MAF: variants seen among roughly 807,000 people sequenced by gnomAD.
MAF encodes transcription factor Maf.
A neutral mutation model predicts 22.0 loss-of-function variants in MAF; 10 were observed. The ratio of observed to expected loss-of-function variants is 0.45; its 90% CI spans 0.28 to 0.77. The LOEUF is 0.77. MAF is among the 30% of genes least tolerant of loss of function. The pLI, the probability that MAF is intolerant of heterozygous loss-of-function variation, is 0.12. For missense variants in MAF, 544 were observed against 548.4 expected (o/e 0.99, Z 0.08); for synonymous variants, 337 against 255.8 (o/e 1.32, Z -3.03).
At chr16:79,508,505 G>C in the MAF span, among the ~76,000 whole-genome samples, 2 of 152,148 alleles carry the variant, frequency 1.3e-5, no homozygotes, top group Non-Finnish European at 2.9e-5. Flanking sequence ...GCGCTGCTCA[G>C]CAGTACTGCT....
chr16:79,232,000 A>G, the MAF span, among the ~76,000 whole-genome samples: 1 of 151,968 alleles, frequency 6.6e-6, no homozygotes, highest in Non-Finnish European at 1.5e-5. Flanking sequence ...CACAGTTTAC[A>G]ATAGGGTTTG....
At chr16:79,395,644 C>G in the MAF span, among the ~76,000 whole-genome samples, 3 of 152,170 alleles carry the variant, frequency 2.0e-5, no homozygotes, top group African/African-American at 7.2e-5. Flanking sequence ...AGCCAGGAGA[C>G]AGTCATGGAA....
chr16:79,253,611 C>T, the MAF span, among the ~76,000 whole-genome samples: 1 of 152,052 alleles, frequency 6.6e-6, no homozygotes. Flanking sequence ...TGGTCACATA[C>T]ACATCTGATA....
the MAF span, among the ~76,000 whole-genome samples, chr16:79,498,607 G>A: frequency 6.6e-6 from 1 of 152,172 alleles, no homozygotes; most frequent in Non-Finnish European, 1.5e-5. Flanking sequence ...CCTTGAGATG[G>A]AGGCTATTAG....
At chr16:79,421,450 G>A in the MAF span, among the ~76,000 whole-genome samples, 1 of 152,138 alleles carries the variant, frequency 6.6e-6, no homozygotes. Flanking sequence ...TTTCCACAAT[G>A]TCATGTAGTT....
At chr16:79,263,586 C>T in the MAF span, among the ~76,000 whole-genome samples, 3 of 152,174 alleles carry the variant, frequency 2.0e-5, no homozygotes, top group African/African-American at 7.2e-5. Flanking sequence ...CCTCTTCTTC[C>T]GTTTTCTCTG....
the MAF span, among the ~76,000 whole-genome samples, chr16:79,509,828 T>A: frequency 5.3e-5 from 8 of 152,186 alleles, no homozygotes; most frequent in African/African-American, 1.9e-4. Context: ...AGCCTCTTCT[T>A]ATCAATGCCT....
At chr16:79,383,221 G>C in the MAF span, among the ~76,000 whole-genome samples, 1 of 152,156 alleles carries the variant, frequency 6.6e-6, no homozygotes, top group African/African-American at 2.4e-5. Flanking sequence ...ACCCTGGACT[G>C]GGGTGGGGGC....
At chr16:79,236,423 A>G in the MAF span, among the ~76,000 whole-genome samples, 1 of 152,002 alleles carries the variant, frequency 6.6e-6, no homozygotes. Flanking sequence ...CCTTGGGGAA[A>G]GTCAAGCATT....
At chr16:79,236,413 C>A in the MAF span, among the ~76,000 whole-genome samples, 1 of 152,004 alleles carries the variant, frequency 6.6e-6, no homozygotes, top group East Asian at 1.9e-4. Flanking sequence ...CCAGTTGATT[C>A]CTTGGGGAAA....
At chr16:79,427,140 A>G in the MAF span, among the ~76,000 whole-genome samples, 1 of 152,372 alleles carries the variant, frequency 6.6e-6, no homozygotes, top group East Asian at 1.9e-4. Flanking sequence ...TTAGGAAATT[A>G]TCCACCTTTA....
chr16:79,351,740 GA>G, the MAF span, among the ~76,000 whole-genome samples: 1 of 152,068 alleles, frequency 6.6e-6, no homozygotes, highest in Non-Finnish European at 1.5e-5. Flanking sequence ...GGTGTGGCAG[GA>G]AGTGACATCC....
At chr16:79,412,634 C>A in the MAF span, among the ~76,000 whole-genome samples, 1 of 152,182 alleles carries the variant, frequency 6.6e-6, no homozygotes, top group Non-Finnish European at 1.5e-5. Context: ...AGTTGAGGAG[C>A]ACTGCTTCAA....
At chr16:79,514,811 T>A in the MAF span, among the ~76,000 whole-genome samples, 13 of 152,334 alleles carry the variant, frequency 8.5e-5, no homozygotes, top group African/African-American at 2.9e-4. Flanking sequence ...TGATAGCGGC[T>A]TGGAAGCCAG....
At chr16:79,449,956 G>A in the MAF span, among the ~76,000 whole-genome samples, 1 of 152,164 alleles carries the variant, frequency 6.6e-6, no homozygotes, top group Non-Finnish European at 1.5e-5. Flanking sequence ...TTTAAGATGG[G>A]CAGAAATTTC....
chr16:79,278,154 G>A, the MAF span, among the ~76,000 whole-genome samples: 2 of 152,220 alleles, frequency 1.3e-5, no homozygotes, highest in African/African-American at 4.8e-5. Flanking sequence ...AGTCGTCCAG[G>A]TACCTGCCCC....
the MAF span, among the ~76,000 whole-genome samples, chr16:79,541,365 C>G: frequency 6.6e-6 from 1 of 152,110 alleles, no homozygotes; most frequent in Admixed American, 6.5e-5. Flanking sequence ...AATATTTGTA[C>G]CCGTAACCCA....
chr16:79,367,089 C>T, the MAF span, among the ~76,000 whole-genome samples: 18 of 152,212 alleles, frequency 1.2e-4, no homozygotes, highest in Admixed American at 2.6e-4. Flanking sequence ...TTGTTTTTCA[C>T]GGCACTTTGA....
intron 1 of MAF, chr16:79,598,061 C>G (rs949625502): frequency 2.9e-6 from 3 of 1,043,644 alleles, no homozygotes; most frequent in Non-Finnish European, 3.5e-6. Flanking sequence ...AAAAAAAAAC[C>G]CGATGGAACT....
Sources: gnomAD v4.1 joint callset for allele counts (sites outside exome capture counted in the v4.1 genomes callset) on GRCh38, gnomAD v4.1.1 for gene constraint, MANE v1.5 for transcripts, NCBI Gene and HGNC (gene_info 2026-07-23, HGNC 2026-07-21) for gene names.